Variants in DLC1 observed in about 807,000 individuals in gnomAD.
DLC1 encodes DLC1 Rho GTPase activating protein.
Under a neutral mutation model 140.3 loss-of-function variants are expected in DLC1, and 54 were observed. The ratio of observed to expected loss-of-function variants is 0.38; its 90% CI spans 0.31 to 0.48. DLC1 has a LOEUF of 0.48. DLC1 is among the 20% of genes least tolerant of loss of function. The probability of loss-of-function intolerance (pLI) is 0.96; values close to 1 mark genes in which losing one functional copy is unlikely to be tolerated. For missense variants in DLC1, 2,536 were observed against 1,907.0 expected (o/e 1.33, Z -6.14); for synonymous variants, 986 against 728.1 (o/e 1.35, Z -5.70).
intron 1 of DLC1, among the ~76,000 whole-genome samples, chr8:13,587,298 A>G (rs939331780): frequency 6.6e-6 from 1 of 151,992 alleles, no homozygotes; most frequent in African/African-American, 2.4e-5. Flanking sequence ...AGAAAAAAAA[A>G]AGAGAGAGAA....
At chr8:13,289,159 C>T (rs1294926794) in intron 5 of DLC1, among the ~76,000 whole-genome samples, 1 of 152,068 alleles carries the variant, frequency 6.6e-6, no homozygotes, top group African/African-American at 2.4e-5. Context: ...AATTCCTTCA[C>T]CCCCAAATAC....
intron 5 of DLC1, among the ~76,000 whole-genome samples, chr8:13,116,571 A>C (rs1820574658): frequency 6.6e-6 from 1 of 152,212 alleles, no homozygotes; most frequent in South Asian, 2.1e-4. Flanking sequence ...GCCAGATTCA[A>C]ATCTTCATTA....
intron 4 of DLC1, among the ~76,000 whole-genome samples, chr8:13,378,569 T>G (rs1336316418): frequency 6.6e-6 from 1 of 152,168 alleles, no homozygotes; most frequent in East Asian, 1.9e-4. Context: ...ATATACATAT[T>G]TATTGAATTA....
chr8:13,408,587 G>C lies in DLC1; in HGVS notation c.1024-6968C>G, dbSNP rs1235409078. ...CAGGTGTGAACCGGCGGGGAGAACT[G>C]AGGCCCATTTTGGGGACTGGGATAT... On this transcript the variant is annotated intron_variant, in intron 2 of 17. Transcript: ENST00000276297. 3.9e-5 allele frequency among the ~76,000 whole-genome samples: 6 copies of C among 152,284 alleles called. No homozygotes were observed. In the South Asian group the frequency reaches 1.0e-3, roughly 26 times the overall value.
At chr8:13,448,145 T>C (rs750316180) in intron 2 of DLC1, among the ~76,000 whole-genome samples, 1 of 152,188 alleles carries the variant, frequency 6.6e-6, no homozygotes, top group Non-Finnish European at 1.5e-5. Flanking sequence ...TCGGTGATTA[T>C]GGCTGGGAAA....
At chr8:13,229,336 T>A (rs986017749) in intron 5 of DLC1, among the ~76,000 whole-genome samples, 2 of 152,154 alleles carry the variant, frequency 1.3e-5, no homozygotes, top group Admixed American at 1.3e-4. Context: ...CCAGTCACAA[T>A]GGACCACATA....
intron 5 of DLC1, among the ~76,000 whole-genome samples, chr8:13,259,753 T>A (rs1366600347): frequency 2.0e-5 from 3 of 151,990 alleles, no homozygotes; most frequent in Non-Finnish European, 4.4e-5. Context: ...CACTGGTAGC[T>A]ATGAGGGTGC....
rs534786119 is a variant in DLC1 at position 13,307,966 on chromosome 8, T to C, written c.1315-2664A>G. On this transcript the variant is annotated intron_variant, in intron 4 of 17. Transcript: ENST00000276297. ...TTACTTAGAACACAAAATACCTCTATAGGAATATTTTGTATGAGACATTTA... is the reference window on the plus strand; with the variant it reads ...TTACTTAGAACACAAAATACCTCTACAGGAATATTTTGTATGAGACATTTA... 1.4e-4 allele frequency among the ~76,000 whole-genome samples: 22 copies of C among 152,242 alleles called. 1 individual carries two copies. In the South Asian group the frequency reaches 4.4e-3, roughly 30 times the overall value.
At chr8:13,120,354 A>AAAAAAAAAAAT (rs1563637947) in intron 5 of DLC1, among the ~76,000 whole-genome samples, 1 of 28,070 alleles carries the variant, frequency 3.6e-5, no homozygotes, top group African/African-American at 4.9e-5. Context: ...AAAAAAAAAA[A>AAAAAAAAAAAT]AAATATATAT....
chr8:13,534,185 T>G (rs1803192125), intron 1 of DLC1, among the ~76,000 whole-genome samples: 1 of 152,166 alleles, frequency 6.6e-6, no homozygotes, highest in Non-Finnish European at 1.5e-5. Context: ...ATTTCCAGAC[T>G]ATTTTACTTA....
Position 13,275,023 on chromosome 8 carries a change from T to C in DLC1, c.1348+30246A>G, listed in dbSNP as rs1831103470. Among the ~76,000 whole-genome samples, 4 of 152,188 alleles carry C rather than the reference T, an allele frequency of 2.6e-5. No homozygotes were observed. In the South Asian group the frequency reaches 8.3e-4, roughly 31 times the overall value. On this transcript the variant is annotated intron_variant, in intron 5 of 17. Transcript: ENST00000276297. ...ATTGGAAAGTCGTATTTCTTTAGGG[T>C]GCCACATTTTCCTCTAAACAATAAT...
chr8:13,370,669 C>T (rs1340355942), intron 4 of DLC1, among the ~76,000 whole-genome samples: 1 of 152,210 alleles, frequency 6.6e-6, no homozygotes, highest in Non-Finnish European at 1.5e-5. Flanking sequence ...GCTAATGTCA[C>T]CAAAACATGC....
At chr8:13,371,504 A>C (rs1286729510) in intron 4 of DLC1, among the ~76,000 whole-genome samples, 5 of 151,620 alleles carry the variant, frequency 3.3e-5, no homozygotes, top group Admixed American at 3.3e-4. Flanking sequence ...AAGTCCATGT[A>C]CCTTTGACAA....
chr8:13,117,817 C>G (rs1349861931), intron 5 of DLC1, among the ~76,000 whole-genome samples: 3 of 152,218 alleles, frequency 2.0e-5, no homozygotes, highest in Admixed American at 6.5e-5. Flanking sequence ...CTAGCCAATC[C>G]TGCCAGAGCA....
At chr8:13,307,877 A>G (rs866435483) in intron 4 of DLC1, among the ~76,000 whole-genome samples, 42 of 152,360 alleles carry the variant, frequency 2.8e-4, no homozygotes, top group African/African-American at 1.0e-3. Context: ...TGTGAGCCAC[A>G]CTAAACAGAC....
At chr8:13,360,000 G>A (rs1835149702) in intron 4 of DLC1, among the ~76,000 whole-genome samples, 2 of 152,198 alleles carry the variant, frequency 1.3e-5, no homozygotes, top group South Asian at 4.1e-4. Context: ...CATTTTAAAA[G>A]TGAGTATGTT....
At chr8:13,466,820 T>C (rs1382525932) in intron 2 of DLC1, among the ~76,000 whole-genome samples, 2 of 152,198 alleles carry the variant, frequency 1.3e-5, no homozygotes, top group Admixed American at 1.3e-4. Context: ...TCAAACTTGC[T>C]GGAAATTAGA....
intron 5 of DLC1, among the ~76,000 whole-genome samples, chr8:13,222,255 A>G (rs1012676257): frequency 2.6e-5 from 4 of 152,030 alleles, no homozygotes; most frequent in African/African-American, 9.7e-5. Context: ...GTGAGAAAAG[A>G]GATAGAGAAA....
At chr8:13,216,034 C>T (rs1828186311) in intron 5 of DLC1, among the ~76,000 whole-genome samples, 1 of 152,156 alleles carries the variant, frequency 6.6e-6, no homozygotes, top group African/African-American at 2.4e-5. Context: ...CAGTTCCCAT[C>T]TTTCCTACAC....
Sources: gnomAD v4.1 joint callset for allele counts (sites outside exome capture counted in the v4.1 genomes callset) on GRCh38, gnomAD v4.1.1 for gene constraint, MANE v1.5 for transcripts, NCBI Gene and HGNC (gene_info 2026-07-23, HGNC 2026-07-21) for gene names.